Variants in NPHP4 observed in about 807,000 individuals in gnomAD.
NPHP4 encodes nephrocystin-4.
A neutral mutation model predicts 155.8 loss-of-function variants in NPHP4; 151 were observed. The ratio of observed to expected loss-of-function variants is 0.97; its 90% CI spans 0.85 to 1.11. NPHP4 has a LOEUF of 1.11. Ranked by LOEUF, NPHP4 falls within the 50% of genes least tolerant of loss-of-function variation. The probability of loss-of-function intolerance (pLI) is 0.00; values close to 1 mark genes in which losing one functional copy is unlikely to be tolerated. For missense variants in NPHP4, 1,956 were observed against 1,925.7 expected, an observed-to-expected ratio of 1.02 and a Z score of -0.29; for synonymous variants, 845 against 816.8, an observed-to-expected ratio of 1.03 and a Z score of -0.59.
intron 20 of NPHP4, 86 bp from the exon 21 acceptor site, chr1:5,875,186 T>A: frequency 1.0e-6 from 1 of 1,001,890 alleles, no homozygotes; most frequent in Non-Finnish European, 1.5e-6. Flanking sequence ...CCACCCGCGA[T>A]CTCAGAAGAG....
chr1:5,873,413 T>C (rs1021843114), intron 22 of NPHP4, 78 bp from the exon 23 acceptor site: 1 of 1,172,152 alleles, frequency 8.5e-7, no homozygotes, highest in Non-Finnish European at 1.3e-6. Flanking sequence ...GAGACACCAC[T>C]GCCACCCAGC....
intron 7 of NPHP4, among the ~76,000 whole-genome samples, chr1:5,948,629 C>G (rs1260892681): frequency 1.3e-5 from 2 of 152,142 alleles, no homozygotes; most frequent in Non-Finnish European, 2.9e-5. Flanking sequence ...AGCCCACTCC[C>G]CCAGAGCCCC....
intron 23 of NPHP4, among the ~76,000 whole-genome samples, chr1:5,868,947 CACACACACAAT>C (rs1251044149): frequency 2.1e-5 from 3 of 145,774 alleles, no homozygotes; most frequent in Non-Finnish European, 3.1e-5. Flanking sequence ...CCCACATGCA[CACACACACAAT>C]GCACACACAC....
intron 16 of NPHP4, among the ~76,000 whole-genome samples, chr1:5,900,195 C>A (rs1233927312): frequency 6.6e-6 from 1 of 152,226 alleles, no homozygotes; most frequent in Non-Finnish European, 1.5e-5. Context: ...CGTGATCCAG[C>A]AATCACACTC....
chr1:5,918,395 A>T (rs1268854762), intron 11 of NPHP4, among the ~76,000 whole-genome samples: 1 of 152,256 alleles, frequency 6.6e-6, no homozygotes, highest in African/African-American at 2.4e-5. Flanking sequence ...AAATGGGGTA[A>T]AAGATGTACT....
At position 5,932,561 on chromosome 1, in the gene NPHP4, G is replaced by C. The variant is rs571146678; in HGVS notation, c.1302+586C>G. Among the ~76,000 whole-genome samples the C allele has an allele frequency of 8.5e-5, 13 of 152,100 alleles. No homozygotes were observed. In the East Asian group the frequency reaches 2.3e-3, roughly 27 times the overall value. On this transcript the variant is annotated intron_variant, in intron 10 of 29. Coordinates refer to ENST00000378156, the MANE Select transcript of NPHP4 (RefSeq NM_015102.5). ...CCTCCAACACCGCCAATGGGGCCAAGGAGGCTGGGGATGAGACCCTCATAC... is the reference window on the plus strand; with the variant it reads ...CCTCCAACACCGCCAATGGGGCCAACGAGGCTGGGGATGAGACCCTCATAC...
chr1:5,957,245 T>A (rs747054306), intron 6 of NPHP4, among the ~76,000 whole-genome samples: 1 of 152,184 alleles, frequency 6.6e-6, no homozygotes, highest in Non-Finnish European at 1.5e-5. Context: ...ACAATCCATT[T>A]TATTCTGGGA....
intron 1 of NPHP4, among the ~76,000 whole-genome samples, chr1:5,989,542 T>C (rs1655938751): frequency 6.7e-6 from 1 of 148,338 alleles, no homozygotes; most frequent in Non-Finnish European, 1.5e-5. Context: ...CCTCCTGTGT[T>C]CTTGGTACCG....
rs761218172 is a variant in NPHP4 at position 5,867,955 on chromosome 1, TC to T, written c.3316-60del. ...CACGAGGCTTGTGAGCAGCTTCTTG[TC>T]CCTCCTTAGACAGCACACGTATCTC... On this transcript the variant is annotated intron_variant, in intron 23 of 29. Transcript: ENST00000378156. The surrounding 1 kb of genome is among the most constrained non-coding windows in gnomAD (Gnocchi z 4.1). 1.1e-5 allele frequency: 17 copies of T among 1,580,510 alleles called. No homozygotes were observed. Among genetic ancestry groups the T allele is most frequent in the Non-Finnish European group, 1.3e-5 (15 of 1,149,946 alleles).
At chr1:5,951,018 G>A (rs1181968705) in intron 7 of NPHP4, among the ~76,000 whole-genome samples, 3 of 152,230 alleles carry the variant, frequency 2.0e-5, no homozygotes, top group African/African-American at 7.2e-5. Context: ...CAAAACAGAA[G>A]AAAAAAGTAC....
At chr1:5,873,753 G>A in intron 22 of NPHP4, 1 of 284,218 alleles carries the variant, frequency 3.5e-6, no homozygotes, top group Non-Finnish European at 6.7e-6. Flanking sequence ...ACGCACCCGG[G>A]CATGACACAC....
chr1:5,880,432 C>G, intron 18 of NPHP4, 193 bp from the exon 19 acceptor site: 1 of 578,834 alleles, frequency 1.7e-6, no homozygotes, highest in South Asian at 2.1e-5. Flanking sequence ...TGCGAACTTT[C>G]AGCTAGGTCT....
At chr1:5,971,527 G>A (rs77054744) in intron 3 of NPHP4, among the ~76,000 whole-genome samples, 3,119 of 152,256 alleles carry the variant, frequency 0.02, 33 homozygotes, top group South Asian at 0.026. Flanking sequence ...CAAGAAGCTC[G>A]AGCCTCGAAG....
chr1:5,873,344 AC>A lies in NPHP4; in HGVS notation c.3232-10del, dbSNP rs757249675. ...CTCAACCCAGGAGAGGCCTGCAGGA[AC>A]CGAACAGCACAAGCAGGTCAGGAAG... is the stretch of plus-strand genomic sequence containing the variant. On this transcript the variant is annotated splice_polypyrimidine_tract_variant and intron_variant, in intron 22 of 29. Coordinates refer to ENST00000378156, the MANE Select transcript of NPHP4 (RefSeq NM_015102.5). The A allele has an allele frequency of 2.4e-5, 39 of 1,612,090 alleles. No individual in the cohort carries two copies. The highest frequency in any genetic ancestry group is 3.1e-5 in the Non-Finnish European group (37 of 1,178,302).
chr1:5,879,808 C>G (rs1416489171), intron 19 of NPHP4, among the ~76,000 whole-genome samples: 3 of 118,762 alleles, frequency 2.5e-5, no homozygotes, highest in East Asian at 4.1e-4. Context: ...AACACACACA[C>G]ACACGCAAAC....
intron 10 of NPHP4, among the ~76,000 whole-genome samples, chr1:5,928,459 C>T (rs1485039020): frequency 1.3e-5 from 2 of 152,206 alleles, no homozygotes; most frequent in East Asian, 3.8e-4. Flanking sequence ...TATCCATTCA[C>T]TCACAAACAT....
chr1:5,884,706 A>G (rs1350737722), intron 18 of NPHP4, among the ~76,000 whole-genome samples: 3 of 135,200 alleles, frequency 2.2e-5, no homozygotes, highest in African/African-American at 5.8e-5. Context: ...AACCAAGATC[A>G]CTGCCCAAGC....
At chr1:5,975,401 ATGAAT>A (rs1307991630) in intron 3 of NPHP4, among the ~76,000 whole-genome samples, 17 of 152,210 alleles carry the variant, frequency 1.1e-4, no homozygotes, top group Non-Finnish European at 5.9e-5. Flanking sequence ...AGCAGGCTCC[ATGAAT>A]AGCACGGGGG....
chr1:5,977,562 G>T (rs1653841257), intron 3 of NPHP4, among the ~76,000 whole-genome samples: 1 of 151,836 alleles, frequency 6.6e-6, no homozygotes, highest in African/African-American at 2.4e-5. Flanking sequence ...ACAGTCTGCA[G>T]TTCTGTTAGG....
Sources: gnomAD v4.1 joint callset for allele counts (sites outside exome capture counted in the v4.1 genomes callset) on GRCh38, gnomAD v4.1.1 for gene constraint, Gnocchi (gnomAD v3.1) non-coding constraint, MANE v1.5 for transcripts, NCBI Gene and HGNC (gene_info 2026-07-23, HGNC 2026-07-21) for gene names.